The following GPN3 variants were observed in gnomAD, a reference collection of about 807,000 sequenced individuals.
GPN3 encodes ATP-binding domain 1 family member C.
In GPN3, 31 loss-of-function variants were observed where a neutral mutation model predicts 38.7. The ratio of observed to expected loss-of-function variants is 0.80; its 90% confidence interval spans 0.60 to 1.08. The LOEUF is 1.08. Ranked by LOEUF, GPN3 falls within the 50% of genes least tolerant of loss-of-function variation. GPN3 has a pLI of 0.00. For synonymous variants in GPN3, 116 were observed against 120.2 expected (o/e 0.96, Z 0.23); for missense variants, 301 against 354.4 (o/e 0.85, Z 1.21).
intron 2 of GPN3, among the ~76,000 whole-genome samples, chr12:110,463,425 C>T (rs2062604992): frequency 6.7e-6 from 1 of 149,360 alleles, no homozygotes; most frequent in Non-Finnish European, 1.5e-5. Context: ...ACTATATAGC[C>T]TGGGTGACAG....
intron 4 of GPN3, among the ~76,000 whole-genome samples, chr12:110,457,073 CA>C (rs1055020651): frequency 1.3e-5 from 2 of 151,854 alleles, no homozygotes; most frequent in African/African-American, 4.8e-5. Flanking sequence ...TGATTAACAA[CA>C]TGTTATAATT....
intron 2 of GPN3, among the ~76,000 whole-genome samples, chr12:110,461,937 G>A (rs990281115): frequency 6.6e-6 from 1 of 152,106 alleles, no homozygotes; most frequent in Non-Finnish European, 1.5e-5. Flanking sequence ...GACCTCGTAG[G>A]CTCAAGTGAT....
In GPN3 at chr12:110,457,363, G is replaced by A. The variant is rs375589040; in HGVS notation, c.450+147C>T. The A allele has an allele frequency of 8.5e-5, 40 of 468,390 alleles. No individual in the cohort carries two copies. In the African/African-American group the frequency reaches 8.6e-4, roughly 10 times the overall value. 29.0% of individuals were successfully genotyped at this position (468,390 alleles called of 1,614,324 possible). On this transcript the variant is annotated intron_variant, in intron 4 of 7. Transcript: ENST00000228827. ...AGCTACTCAGGAGGCTGAGGCACAA[G>A]AATCACTTGAACTGGGAGGCGGAGG...
rs756172661 is a variant in GPN3, at chr12:110,459,690, T to C, written c.325+5A>G. ...GAAGACAATGCATTCAAATTGTTGATTCACCTGGACAATCAAAAAGGATAT... is the reference window on the plus strand; with the variant it reads ...GAAGACAATGCATTCAAATTGTTGACTCACCTGGACAATCAAAAAGGATAT... On this transcript the variant is annotated splice_donor_5th_base_variant and intron_variant, in intron 3 of 7. Coordinates refer to ENST00000228827, the MANE Select transcript of GPN3 (RefSeq NM_016301.4). 1 of 1,597,502 alleles carries C rather than the reference T, an allele frequency of 6.3e-7. No homozygotes were observed. Among genetic ancestry groups the C allele is most frequent in the South Asian group, 1.1e-5 (1 of 90,592 alleles).
At chr12:110,453,122 A>G (rs1223286409) in intron 7 of GPN3, 26 bp from the exon 8 acceptor site, 2 of 1,118,010 alleles carry the variant, frequency 1.8e-6, no homozygotes, top group Admixed American at 1.8e-5. Flanking sequence ...CACAAAATAG[A>G]AAATATATTC....
chr12:110,456,119 C>G (rs2062547837), intron 4 of GPN3, among the ~76,000 whole-genome samples, 189 bp from the exon 5 acceptor site: 1 of 152,088 alleles, frequency 6.6e-6, no homozygotes, highest in Non-Finnish European at 1.5e-5. Flanking sequence ...CACCTCAGGT[C>G]AGGAGTTCAA....
rs188781141 is a variant in GPN3 at position 110,454,948 on chromosome 12, G to A, written c.663+638C>T. On this transcript the variant is annotated intron_variant, in intron 6 of 7. Coordinates refer to ENST00000228827, the MANE Select transcript of GPN3 (RefSeq NM_016301.4). Reference sequence around the variant, plus strand: ...AGCAACTCTCCTGCCTCAGCCTCCCGAATAGCTGGGATTATAGGCATGCAC... The same window carrying A: ...AGCAACTCTCCTGCCTCAGCCTCCCAAATAGCTGGGATTATAGGCATGCAC... Among the ~76,000 whole-genome samples, 1,043 of 151,550 alleles carry A rather than the reference G, an allele frequency of 6.9e-3. 1 individual carries two copies. Among genetic ancestry groups the A allele is most frequent in the Non-Finnish European group, 9.4e-3 (636 of 67,906 alleles).
At chr12:110,466,987 C>T (rs1333338317) in intron 1 of GPN3, among the ~76,000 whole-genome samples, 1 of 151,862 alleles carries the variant, frequency 6.6e-6, no homozygotes, top group Non-Finnish European at 1.5e-5. Flanking sequence ...TCTAGTGTTT[C>T]CACACTTCTT....
chr12:110,468,647 C>T (rs1260661335), upstream of GPN3: 17 of 1,537,050 alleles, frequency 1.1e-5, no homozygotes, highest in Admixed American at 2.0e-5. Context: ...GTATATTTCC[C>T]TCCTGTGACG....
At position 110,468,241 on chromosome 12, in the gene GPN3, T is replaced by C; in HGVS notation, c.-38A>G. The C allele has an allele frequency of 6.2e-7, 1 of 1,605,602 alleles. No homozygotes were observed. The highest frequency in any genetic ancestry group is 1.7e-5 in the Admixed American group (1 of 59,866). ...AGCCGCCCGCCACACTCCCTTAGCC[T>C]TCGCGCGACGCCCACTGAGCTCCGG... On this transcript the variant is annotated 5_prime_UTR_variant, in exon 1 of 8. Transcript: ENST00000228827.
intron 4 of GPN3, 144 bp downstream of exon 4, chr12:110,457,366 T>C (rs909823866): frequency 2.1e-6 from 1 of 475,226 alleles, no homozygotes; most frequent in Non-Finnish European, 3.4e-6. Flanking sequence ...GGCACAAGAA[T>C]CACTTGAACT....
Position 110,465,117 on chromosome 12 carries a change from G to GAGT in GPN3, c.143_145dup (p.Tyr48dup). ...TGCTCAGGACTTACCAGCCATCACG[G>GAGT]AGTAGTTGAAGTGTTCTGCTGCTGG... On this transcript the variant is annotated inframe_insertion, in exon 2 of 8. Transcript: ENST00000228827. The GAGT allele has an allele frequency of 6.3e-7, 1 of 1,577,516 alleles. No homozygotes were observed. The highest frequency in any genetic ancestry group is 1.1e-5 in the South Asian group (1 of 90,360).
intron 5 of GPN3, 64 bp from the exon 6 acceptor site, chr12:110,455,746 A>G: frequency 9.6e-7 from 1 of 1,046,622 alleles, no homozygotes; most frequent in Non-Finnish European, 1.5e-6. Flanking sequence ...CAAACTTCCC[A>G]TCTAAATAAA....
intron 2 of GPN3, among the ~76,000 whole-genome samples, chr12:110,462,518 C>G (rs557782875): frequency 6.6e-6 from 1 of 152,196 alleles, no homozygotes; most frequent in Non-Finnish European, 1.5e-5. Context: ...TGCTTCCTTA[C>G]ATCTCCACCG....
Position 110,453,085 on chromosome 12 carries a change from A to C in GPN3, c.804T>G (p.Asp268Glu). The C allele has an allele frequency of 2.1e-6, 3 of 1,427,702 alleles. No homozygotes were observed. The highest frequency in any genetic ancestry group is 3.0e-6 in the Non-Finnish European group (3 of 1,012,626). The allele number at this position is 1,427,702 out of a possible 1,614,324, so 88.4% of individuals were successfully genotyped here. ...LEFKEPKERE[D>E]ESSSMFDEYF... ...ATTCGTCAAACATAGAGGAAGACTC[A>C]TCTTCACGTTCCTGACACAATGGAA... The change falls in exon 8 of 8, where the codon GAT becomes GAG. Residue 268 changes from aspartate (D) to glutamate (E), a missense_variant. Physicochemically the swap from Asp to Glu is conservative, Grantham distance 45. Coordinates refer to ENST00000228827, the MANE Select transcript of GPN3 (RefSeq NM_016301.4).
At chr12:110,463,782 C>CA (rs780635794) in intron 2 of GPN3, among the ~76,000 whole-genome samples, 6,149 of 115,742 alleles carry the variant, frequency 0.053, 369 homozygotes, top group African/African-American at 0.15. Context: ...GACCCTGTCT[C>CA]AAAAAAAAAA....
At chr12:110,456,423 GA>G (rs2062550414) in intron 4 of GPN3, among the ~76,000 whole-genome samples, 1 of 150,576 alleles carries the variant, frequency 6.6e-6, no homozygotes, top group African/African-American at 2.4e-5. Flanking sequence ...TAGCCATATA[GA>G]AAAAAATGTT....
intron 4 of GPN3, 61 bp downstream of exon 4, chr12:110,457,449 C>CTTTA (rs2062557760): frequency 7.8e-7 from 1 of 1,279,578 alleles, no homozygotes; most frequent in Admixed American, 3.2e-5. Context: ...AAGACTCTGT[C>CTTTA]ACACACACAA....
At position 110,455,852 on chromosome 12, in the gene GPN3, C is replaced by A. The variant is rs1302511548; in HGVS notation, c.529G>T (p.Asp177Tyr). The change falls in exon 5 of 8, where the codon GAT becomes TAT. Residue 177 changes from aspartate (D) to tyrosine (Y), a missense_variant. Transcript: ENST00000228827. Reference sequence around the variant, plus strand: ...TTTTTTGCTTTTTTACTCAGCAGATCCATTTTTGTCATGATGTTGACTTGC... The same window carrying A: ...TTTTTTGCTTTTTTACTCAGCAGATACATTTTTGTCATGATGTTGACTTGC... ...IPQVNIMTKM[D>Y]LLSKKAKKEI... is the part of the protein sequence containing the mutation. 2 of 1,605,702 alleles carry A rather than the reference C, an allele frequency of 1.2e-6. No homozygotes were observed. Among genetic ancestry groups the A allele is most frequent in the Non-Finnish European group, 1.7e-6 (2 of 1,172,340 alleles).
Sources: allele counts gnomAD v4.1 joint callset (sites outside exome capture counted in the v4.1 genomes callset), GRCh38; gene constraint gnomAD v4.1.1; transcripts MANE v1.5; gene names NCBI Gene and HGNC (gene_info 2026-07-23, HGNC 2026-07-21).